Variants in TMEM250 observed in about 807,000 individuals in gnomAD.
TMEM250 encodes transmembrane protein 250.
Under a neutral mutation model 7.0 loss-of-function variants are expected in TMEM250, and 7 were observed. The ratio of observed to expected loss-of-function variants is 1.00; its 90% confidence interval spans 0.57 to 1.87. The LOEUF (loss-of-function observed/expected upper bound fraction) is 1.87, where lower values mean the gene tolerates loss of function less well. Among genes scored for constraint, TMEM250 ranks in the 40% most tolerant of loss-of-function variants. The pLI is 0.00. For synonymous variants in TMEM250, 135 were observed against 96.7 expected, an observed-to-expected ratio of 1.40 and a Z score of -2.32; for missense variants, 196 against 202.5, an observed-to-expected ratio of 0.97 and a Z score of 0.19.
In TMEM250 at chr9:136,116,846, T is replaced by C. The variant is rs370019472; in HGVS notation, c.55A>G (p.Thr19Ala). 2.5e-6 allele frequency: 4 copies of C among 1,603,190 alleles called. No homozygotes were observed. In the African/African-American group the frequency reaches 5.4e-5, roughly 21 times the overall value. Residue 19 changes from threonine to alanine, a missense_variant, in exon 2 of 2, where the codon ACC (threonine) becomes GCC (alanine). Physicochemically the swap from Thr to Ala is moderately conservative, Grantham distance 58 (BLOSUM62 0). Transcript: ENST00000418388. ...RVRSFHGPHT[T>A]CLHAACGPVR... is the part of the protein sequence containing the mutation. ...GGCCCGCAGGCCGCATGCAGGCAGG[T>C]GGTGTGCGGGCCGTGGAAGGAGCGC... is the stretch of plus-strand genomic sequence containing the variant.
At chr9:136,117,243 C>G in intron 1 of TMEM250, among the ~76,000 whole-genome samples, 1 of 152,232 alleles carries the variant, frequency 6.6e-6, no homozygotes, top group Non-Finnish European at 1.5e-5. Context: ...AGTGCTTGTT[C>G]TAGGGCAGCA....
chr9:136,115,838 C>T lies in TMEM250; in HGVS notation c.*643G>A, dbSNP rs11103339. The T allele has an allele frequency of 0.062, 18,749 of 303,794 alleles. 774 individuals carry two copies. The highest frequency in any genetic ancestry group is 0.1 in the Middle Eastern group (117 of 1,166). The allele number at this position is 303,794 out of a possible 1,614,324, so 18.8% of individuals were successfully genotyped here. ...CCACCTGAGCCCTTCTCCGGCCCCC[C>T]GCTAGACTGCATCTACACAATCCAA... On this transcript the variant is annotated 3_prime_UTR_variant, in exon 2 of 2. Transcript: ENST00000418388.
Position 136,115,685 on chromosome 9 carries a change from A to C in TMEM250, c.*796T>G, listed in dbSNP as rs756458762. Reference sequence around the variant, plus strand: ...TGGAGGTGCCTCCGCAGAAATCCAGAGCATCTGCAAGACATCCTCACAGCC... The same window carrying C: ...TGGAGGTGCCTCCGCAGAAATCCAGCGCATCTGCAAGACATCCTCACAGCC... On this transcript the variant is annotated 3_prime_UTR_variant, in exon 2 of 2. Transcript: ENST00000418388. The C allele has an allele frequency of 9.2e-4, 149 of 161,898 alleles. No individual in the cohort carries two copies. Among genetic ancestry groups the C allele is most frequent in the Non-Finnish European group, 1.7e-3 (129 of 75,108 alleles). The allele number at this position is 161,898 out of a possible 1,614,324, so 10.0% of individuals were successfully genotyped here.
Position 136,116,669 on chromosome 9 carries a change from A to C in TMEM250, c.232T>G (p.Cys78Gly). 6.2e-7 allele frequency: 1 copy of C among 1,612,130 alleles called. No individual in the cohort carries two copies. Among genetic ancestry groups the C allele is most frequent in the Non-Finnish European group, 8.5e-7 (1 of 1,179,724 alleles). Residue 78 changes from cysteine to glycine, a missense_variant, in exon 2 of 2, where the codon TGC (cysteine) becomes GGC (glycine). Cys to Gly is a radical substitution (Grantham distance 159, BLOSUM62 -3). Transcript: ENST00000418388. ...ACGCGAACGCCCAGGTACTGTAGGC[A>C]GAAGAGGGCGGCCAGCGCACCCCAG... ...ALWGALAALF[C>G]LQYLGVRVLL...
Position 136,115,514 on chromosome 9 carries a change from G to A in TMEM250, c.*967C>T, listed in dbSNP as rs1337536387. On this transcript the variant is annotated 3_prime_UTR_variant, in exon 2 of 2. Coordinates refer to ENST00000418388, the MANE Select transcript of TMEM250 (RefSeq NM_152833.3). Reference sequence around the variant, plus strand: ...GCTCTGGGGCTGTGTTTGCCGCACTGAGGCCTCTGCCGCCTGCTCCGGACA... The same window carrying A: ...GCTCTGGGGCTGTGTTTGCCGCACTAAGGCCTCTGCCGCCTGCTCCGGACA... 2 of 152,376 alleles carry A rather than the reference G, an allele frequency of 1.3e-5. No homozygotes were observed. Among genetic ancestry groups the A allele is most frequent in the African/African-American group, 2.4e-5 (1 of 41,458 alleles). 9.4% of individuals were successfully genotyped at this position (152,376 alleles called of 1,614,324 possible).
chr9:136,116,565 G>A lies in TMEM250; in HGVS notation c.336C>T (p.Asn112=), dbSNP rs772124048. 20 of 1,598,808 alleles carry A rather than the reference G, an allele frequency of 1.3e-5. No homozygotes were observed. The South Asian group carries it at 1.5e-4, about 12-fold the overall frequency. The part of the protein sequence containing the change: ...GRRRVDFRLV[N]ELLVYGIHVT... ...CGTGGATGCCATAGACGAGCAGCTC[G>A]TTCACCAGGCGGAAGTCCACGCGCC... is the stretch of plus-strand genomic sequence containing the variant. Residue 112 remains asparagine (N), a synonymous_variant, in exon 2 of 2, where the codon AAC becomes AAT. Transcript: ENST00000418388.
chr9:136,116,043 C>T lies in TMEM250; in HGVS notation c.*438G>A, dbSNP rs1211592621. On this transcript the variant is annotated 3_prime_UTR_variant, in exon 2 of 2. Coordinates refer to ENST00000418388, the MANE Select transcript of TMEM250 (RefSeq NM_152833.3). ...GTGTCCCGTTGGCTGGGGCTGGGGC[C>T]AGGGCACGCAGAAGGGGCTGTGCAG... The T allele has an allele frequency of 4.9e-6, 2 of 411,440 alleles. No homozygotes were observed. The highest frequency in any genetic ancestry group is 8.5e-6 in the Non-Finnish European group (2 of 234,332). The allele number at this position is 411,440 out of a possible 1,614,324, so 25.5% of individuals were successfully genotyped here.
chr9:136,116,312 G>A lies in TMEM250; in HGVS notation c.*169C>T, dbSNP rs1309171041. 5.1e-6 allele frequency: 7 copies of A among 1,363,482 alleles called. No individual in the cohort carries two copies. The East Asian group carries it at 1.5e-4, about 30-fold the overall frequency. The allele number at this position is 1,363,482 out of a possible 1,614,324, so 84.5% of individuals were successfully genotyped here. A position where few individuals can be genotyped will look rare whatever the true frequency, so the allele number is the denominator to read the frequency against. The stretch of plus-strand genomic sequence containing the variant: ...GGTCCAGGAAGCCAGCCTAGGGGTG[G>A]TGTCCGCGCCCCCATCACAGAAGTC... On this transcript the variant is annotated 3_prime_UTR_variant, in exon 2 of 2. Coordinates refer to ENST00000418388, the MANE Select transcript of TMEM250 (RefSeq NM_152833.3).
intron 1 of TMEM250, 74 bp from the exon 2 acceptor site, chr9:136,117,098 G>GA: frequency 1.1e-6 from 1 of 899,558 alleles, no homozygotes; most frequent in Non-Finnish European, 1.5e-6. Flanking sequence ...ATCAGCTGGC[G>GA]AAAGTGGACA....
chr9:136,117,148 G>A (rs1192858831), intron 1 of TMEM250, 124 bp from the exon 2 acceptor site: 6 of 539,950 alleles, frequency 1.1e-5, no homozygotes, highest in South Asian at 3.3e-5. Flanking sequence ...TGGAGTCCAG[G>A]GCGGGATCTG....
rs1198228391 is a variant in TMEM250 at position 136,116,210 on chromosome 9, C to T, written c.*271G>A. ...GAGGCGGAACGGAGGGCCCACCCCG[C>T]AGTACGACCCGAAGACATGTGAGCA... On this transcript the variant is annotated 3_prime_UTR_variant, in exon 2 of 2. Coordinates refer to ENST00000418388, the MANE Select transcript of TMEM250 (RefSeq NM_152833.3). 1.8e-6 allele frequency: 1 copy of T among 570,228 alleles called. No homozygotes were observed. 35.3% of individuals were successfully genotyped at this position (570,228 alleles called of 1,614,324 possible).
chr9:136,117,519 G>A (rs1350006342), intron 1 of TMEM250, among the ~76,000 whole-genome samples: 2 of 152,264 alleles, frequency 1.3e-5, no homozygotes, highest in South Asian at 4.1e-4. Context: ...AGGGCTCGCA[G>A]GTGAACCGAA....
intron 1 of TMEM250, among the ~76,000 whole-genome samples, chr9:136,117,595 C>T (rs56026443): frequency 6.6e-6 from 1 of 152,222 alleles, no homozygotes; most frequent in Non-Finnish European, 1.5e-5. Flanking sequence ...GCTCGGGGGC[C>T]GTGGGGTCAC....
intron 1 of TMEM250, 51 bp from the exon 2 acceptor site, chr9:136,117,075 C>T (rs1274671578): frequency 8.9e-7 from 1 of 1,118,802 alleles, no homozygotes; most frequent in Non-Finnish European, 1.2e-6. Context: ...CCATGCGGAT[C>T]CCTCCCCAGG....
chr9:136,116,719 C>CT lies in TMEM250; in HGVS notation c.181dup (p.Ser61LysfsTer128). 1 of 1,612,486 alleles carries CT rather than the reference C, an allele frequency of 6.2e-7. No homozygotes were observed. The highest frequency in any genetic ancestry group is 8.5e-7 in the Non-Finnish European group (1 of 1,179,748). On this transcript the variant is annotated frameshift_variant, in exon 2 of 2. Transcript: ENST00000418388. LOFTEE classifies it high-confidence loss of function. ...GAGCGCCGCAGTGAACAGGCTGCAGCTAAAGTAGAGTAGGAAGCGGATGAA... is the reference window on the plus strand; with the variant it reads ...GAGCGCCGCAGTGAACAGGCTGCAGCTTAAAGTAGAGTAGGAAGCGGATGAA...
rs1465303084 is a variant in TMEM250 at position 136,116,605 on chromosome 9, A to C, written c.296T>G (p.Leu99Arg). The change falls in exon 2 of 2, where the codon CTG becomes CGG. Residue 99 changes from leucine (L) to arginine (R), a missense_variant. By Grantham distance (102) the Leu-to-Arg change is moderately radical (BLOSUM62 -2). Coordinates refer to ENST00000418388, the MANE Select transcript of TMEM250 (RefSeq NM_152833.3). ...GTCCACGCGCCGGCGGCCCAGCAGC[A>C]GCAGCAGCACCGACAGCTTGCGCTG... ...RFQRKLSVLL[L>R]LLGRRRVDFR... 2 of 1,606,366 alleles carry C rather than the reference A, an allele frequency of 1.2e-6. No individual in the cohort carries two copies. Among genetic ancestry groups the C allele is most frequent in the Non-Finnish European group, 1.7e-6 (2 of 1,179,614 alleles).
Position 136,117,092 on chromosome 9 carries a change from G to C in TMEM250, c.-124-68C>G, listed in dbSNP as rs148372943. 29 of 978,662 alleles carry C rather than the reference G, an allele frequency of 3.0e-5. No individual in the cohort carries two copies. The African/African-American group carries it at 4.2e-4, about 14-fold the overall frequency. 60.6% of individuals were successfully genotyped at this position (978,662 alleles called of 1,614,324 possible). Reference sequence around the variant, plus strand: ...ATGCGGATCCCTCCCCAGGCAATCAGCTGGCGAAAGTGGACACAAACTCCA... The same window carrying C: ...ATGCGGATCCCTCCCCAGGCAATCACCTGGCGAAAGTGGACACAAACTCCA... On this transcript the variant is annotated intron_variant, in intron 1 of 1. Coordinates refer to ENST00000418388, the MANE Select transcript of TMEM250 (RefSeq NM_152833.3).
chr9:136,118,781 C>G lies in TMEM250; in HGVS notation c.-421G>C, dbSNP rs1374939202. ...CGGCCACCGTAGGGCGGCCTCACGC[C>G]CCCTCCACCCGCGCCGACCGAGCCG... On this transcript the variant is annotated 5_prime_UTR_variant, in exon 1 of 2. Coordinates refer to ENST00000418388, the MANE Select transcript of TMEM250 (RefSeq NM_152833.3). 6.6e-6 allele frequency: 1 copy of G among 152,140 alleles called. No individual in the cohort carries two copies. The highest frequency in any genetic ancestry group is 1.5e-5 in the Non-Finnish European group (1 of 68,002). The allele number at this position is 152,140 out of a possible 1,614,324, so 9.4% of individuals were successfully genotyped here. A position where few individuals can be genotyped will look rare whatever the true frequency, so the allele number is the denominator to read the frequency against.
rs1260173134 is a variant in TMEM250 at position 136,115,541 on chromosome 9, T to G, written c.*940A>C. 6.6e-6 allele frequency: 1 copy of G among 152,316 alleles called. No homozygotes were observed. Among genetic ancestry groups the G allele is most frequent in the Non-Finnish European group, 1.5e-5 (1 of 68,112 alleles). The allele number at this position is 152,316 out of a possible 1,614,324, so 9.4% of individuals were successfully genotyped here. A position where few individuals can be genotyped will look rare whatever the true frequency, so the allele number is the denominator to read the frequency against. Reference sequence around the variant, plus strand: ...GGCCTCTGCCGCCTGCTCCGGACACTTGGGACACGCGTTTCCATCCTGGCT... The same window carrying G: ...GGCCTCTGCCGCCTGCTCCGGACACGTGGGACACGCGTTTCCATCCTGGCT... On this transcript the variant is annotated 3_prime_UTR_variant, in exon 2 of 2. Transcript: ENST00000418388.
Sources: gnomAD v4.1 joint callset for allele counts (sites outside exome capture counted in the v4.1 genomes callset) on GRCh38, gnomAD v4.1.1 for gene constraint, MANE v1.5 for transcripts, NCBI Gene and HGNC (gene_info 2026-07-23, HGNC 2026-07-21) for gene names.